The following PCDH7 variants were observed in gnomAD, a reference collection of about 807,000 sequenced individuals.
The protein encoded by PCDH7 is protocadherin-7.
In PCDH7, 17 loss-of-function variants were observed where a neutral mutation model predicts 58.9. That is an observed-to-expected ratio of 0.29 (90% CI 0.20 to 0.43). The LOEUF is 0.43. PCDH7 is among the 20% of genes least tolerant of loss of function. The pLI is 1.00. For missense variants in PCDH7, 1,274 were observed against 1,441.0 expected, an observed-to-expected ratio of 0.88 and a Z score of 1.88; for synonymous variants, 664 against 616.4, an observed-to-expected ratio of 1.08 and a Z score of -1.14.
chr4:31,030,374 C>T (rs1754799786), intron 3 of PCDH7, among the ~76,000 whole-genome samples: 1 of 151,994 alleles, frequency 6.6e-6, no homozygotes, highest in South Asian at 2.1e-4. Context: ...GCTCAATTAC[C>T]AATAATAACC....
At chr4:30,869,712 T>C (rs1381097813) in intron 1 of PCDH7, among the ~76,000 whole-genome samples, 2 of 152,184 alleles carry the variant, frequency 1.3e-5, no homozygotes, top group African/African-American at 4.8e-5. Context: ...GTTTCAAGTC[T>C]TTGCTATTGG....
At chr4:30,996,494 A>T (rs1751911158) in intron 3 of PCDH7, among the ~76,000 whole-genome samples, 2 of 152,222 alleles carry the variant, frequency 1.3e-5, no homozygotes, top group Admixed American at 6.5e-5. Context: ...AGGAAAGAGG[A>T]AAATGACTTT....
intron 3 of PCDH7, among the ~76,000 whole-genome samples, chr4:31,017,337 C>T (rs973135932): frequency 6.6e-6 from 1 of 152,050 alleles, no homozygotes; most frequent in Non-Finnish European, 1.5e-5. Context: ...ATTTGATGCA[C>T]AGCATTGTGA....
rs547732054 is a variant in PCDH7, at chr4:30,850,375, C to T, written c.71-69778C>T. Reference sequence around the variant, plus strand: ...CTTCAATTTTAATAACTGCTCTTCTCTTCATTCCTCTGACCAAGCCATAGA... The same window carrying T: ...CTTCAATTTTAATAACTGCTCTTCTTTTCATTCCTCTGACCAAGCCATAGA... On this transcript the variant is annotated intron_variant, in intron 1 of 3. Coordinates refer to the PCDH7 transcript ENST00000509759. 1.3e-4 allele frequency among the ~76,000 whole-genome samples: 20 copies of T among 152,110 alleles called. No homozygotes were observed. In the East Asian group the frequency reaches 3.7e-3, roughly 28 times the overall value.
chr4:30,792,707 A>G (rs897409638), intron 1 of PCDH7, among the ~76,000 whole-genome samples: 2 of 152,134 alleles, frequency 1.3e-5, no homozygotes, highest in East Asian at 1.9e-4. Flanking sequence ...TGAAAATTCT[A>G]TCTCAGTAGG....
At chr4:30,908,507 A>G (rs1040817329) in intron 1 of PCDH7, among the ~76,000 whole-genome samples, 1 of 152,094 alleles carries the variant, frequency 6.6e-6, no homozygotes, top group Non-Finnish European at 1.5e-5. Context: ...GTCACACAAC[A>G]AAGATTAAAT....
At chr4:30,986,678 A>T (rs1020096897) in intron 3 of PCDH7, among the ~76,000 whole-genome samples, 6 of 151,968 alleles carry the variant, frequency 3.9e-5, no homozygotes, top group African/African-American at 1.4e-4. Flanking sequence ...TATAATCAGA[A>T]TCCGTTTGAA....
At chr4:30,944,429 A>T (rs1359654961) in intron 2 of PCDH7, among the ~76,000 whole-genome samples, 2 of 152,168 alleles carry the variant, frequency 1.3e-5, no homozygotes, top group Non-Finnish European at 2.9e-5. Flanking sequence ...AATATGATGA[A>T]TATCAGCAGA....
At chr4:30,960,816 A>G (rs551582371) in intron 3 of PCDH7, among the ~76,000 whole-genome samples, 29 of 152,310 alleles carry the variant, frequency 1.9e-4, no homozygotes, top group Admixed American at 1.2e-3. Flanking sequence ...TGAGAAAATA[A>G]CACTAGGACT....
chr4:31,031,759 T>C (rs1235052127), intron 3 of PCDH7, among the ~76,000 whole-genome samples: 1 of 152,198 alleles, frequency 6.6e-6, no homozygotes, highest in East Asian at 1.9e-4. Context: ...TTTGGAAACA[T>C]ATACAACTAA....
intron 1 of PCDH7, among the ~76,000 whole-genome samples, chr4:30,808,877 A>T (rs1050012244): frequency 6.6e-6 from 1 of 151,752 alleles, no homozygotes; most frequent in African/African-American, 2.4e-5. Flanking sequence ...ATCCTGAAAA[A>T]CCTCTCAACT....
chr4:30,746,933 G>A (rs1264011371), intron 1 of PCDH7, among the ~76,000 whole-genome samples: 1 of 152,030 alleles, frequency 6.6e-6, no homozygotes, highest in Non-Finnish European at 1.5e-5. Context: ...CGAAATATAG[G>A]TCATTTGTGT....
chr4:31,086,711 G>T (rs935694893), intron 3 of PCDH7, among the ~76,000 whole-genome samples: 10 of 151,998 alleles, frequency 6.6e-5, no homozygotes, highest in African/African-American at 9.7e-5. Context: ...TGTATTCATG[G>T]CATCTATCTT....
intron 1 of PCDH7, among the ~76,000 whole-genome samples, chr4:30,902,344 C>G (rs1268358458): frequency 6.6e-6 from 1 of 152,062 alleles, no homozygotes; most frequent in Admixed American, 6.6e-5. Context: ...TAATAAATGT[C>G]ATCCCTAGTT....
rs149810081 is a variant in PCDH7 at position 30,722,811 on chromosome 4, G to T, written c.1389G>T (p.Val463=). ...ACGGGGTGGTCACCTGCACCGTGGT[G>T]GGCGACGTGCCCTTCCAGCTCAAGC... The change falls in exon 1 of 2, where the codon GTG becomes GTT. Residue 463 remains valine, a synonymous_variant. Transcript: ENST00000361762. This position sits in a 1 kb window ranked among gnomAD's most constrained non-coding sequence, Gnocchi z 7.6. 601 of 1,613,688 alleles carry T rather than the reference G, an allele frequency of 3.7e-4. 5 individuals carry two copies. The African/African-American group carries it at 6.9e-3, about 19-fold the overall frequency.
intron 3 of PCDH7, among the ~76,000 whole-genome samples, chr4:31,023,288 T>C (rs1350925598): frequency 6.6e-6 from 1 of 152,102 alleles, no homozygotes; most frequent in Non-Finnish European, 1.5e-5. Context: ...TTTAAAGAGG[T>C]CTGGAGGTTG....
At chr4:30,755,634 C>G (rs888543348) in intron 1 of PCDH7, among the ~76,000 whole-genome samples, 1 of 152,174 alleles carries the variant, frequency 6.6e-6, no homozygotes, top group African/African-American at 2.4e-5. Flanking sequence ...CCATCCCCCA[C>G]TGTCTTAGTC....
At chr4:31,098,360 A>G (rs986932737) in intron 3 of PCDH7, among the ~76,000 whole-genome samples, 1 of 152,194 alleles carries the variant, frequency 6.6e-6, no homozygotes, top group Admixed American at 6.5e-5. Context: ...AATAAAAAGG[A>G]TTATATAGTG....
At chr4:31,047,571 G>C (rs1000638258) in intron 3 of PCDH7, among the ~76,000 whole-genome samples, 5 of 151,960 alleles carry the variant, frequency 3.3e-5, no homozygotes, top group African/African-American at 1.2e-4. Flanking sequence ...GCACTCATTT[G>C]TATCTTAAGA....
Sources: gnomAD v4.1 joint callset for allele counts (sites outside exome capture counted in the v4.1 genomes callset) on GRCh38, gnomAD v4.1.1 for gene constraint, Gnocchi (gnomAD v3.1) non-coding constraint, MANE v1.5 for transcripts, NCBI Gene and HGNC (gene_info 2026-07-23, HGNC 2026-07-21) for gene names.